Variants in LYRM4 observed in about 807,000 individuals in gnomAD.
LYRM4 encodes LYR motif-containing protein 4.
LYRM4 carries 9 observed loss-of-function variants against 11.7 expected under a neutral mutation model. The observed-to-expected ratio is 0.77, with a 90% CI of 0.46 to 1.34. The LOEUF (loss-of-function observed/expected upper bound fraction) is 1.34, where lower values mean the gene tolerates loss of function less well. Among genes scored for constraint, LYRM4 ranks in the 40% most tolerant of loss-of-function variants. The pLI, the probability that LYRM4 is intolerant of heterozygous loss-of-function variation, is 0.00. For synonymous variants in LYRM4, 42 were observed against 40.4 expected, an observed-to-expected ratio of 1.04 and a Z score of -0.15; for missense variants, 133 against 112.5, an observed-to-expected ratio of 1.18 and a Z score of -0.82.
intron 1 of LYRM4, among the ~76,000 whole-genome samples, chr6:5,255,727 T>C (rs1184123395): frequency 6.6e-6 from 1 of 152,074 alleles, no homozygotes; most frequent in Non-Finnish European, 1.5e-5. Context: ...TTCTCAATCT[T>C]GGCATGACCA....
chr6:5,186,971 G>T, intron 2 of LYRM4: 2 of 675,884 alleles, frequency 3.0e-6, no homozygotes, highest in Non-Finnish European at 3.6e-6. Flanking sequence ...GCGACAGAGT[G>T]AGAGTCCATC....
chr6:5,127,370 C>G (rs1335979523), intron 2 of LYRM4, among the ~76,000 whole-genome samples: 1 of 152,182 alleles, frequency 6.6e-6, no homozygotes, highest in African/African-American at 2.4e-5. Flanking sequence ...CAGGCATAAG[C>G]CACCGTGCCC....
At chr6:5,066,878 G>A in the LYRM4 span, 1 of 1,010,986 alleles carries the variant, frequency 9.9e-7, no homozygotes, top group Non-Finnish European at 1.5e-6. Context: ...TCGCCGGCAA[G>A]TGCTTTCGCA....
chr6:5,142,432 A>G (rs1269617671), intron 2 of LYRM4, among the ~76,000 whole-genome samples: 2 of 152,202 alleles, frequency 1.3e-5, no homozygotes, highest in Non-Finnish European at 2.9e-5. Context: ...CTGAGGTTCA[A>G]TCACTGTGGA....
chr6:5,143,062 A>T (rs954873595), intron 2 of LYRM4, among the ~76,000 whole-genome samples: 9 of 152,212 alleles, frequency 5.9e-5, no homozygotes, highest in Admixed American at 2.6e-4. Context: ...TTGGGATGCC[A>T]CATGTATTGG....
chr6:5,138,573 CTGT>C (rs960828420), intron 2 of LYRM4: 2 of 218,038 alleles, frequency 9.2e-6, no homozygotes, highest in Non-Finnish European at 1.4e-5. Context: ...AGAATAATGA[CTGT>C]TTTTTTTATG....
intron 2 of LYRM4, among the ~76,000 whole-genome samples, chr6:5,126,934 C>G (rs528714182): frequency 6.6e-6 from 1 of 152,246 alleles, no homozygotes; most frequent in Non-Finnish European, 1.5e-5. Context: ...TCTGAATATA[C>G]TAAAAGCCAG....
chr6:5,037,837 G>T, the LYRM4 span, among the ~76,000 whole-genome samples: 1 of 54,062 alleles, frequency 1.8e-5, no homozygotes, highest in African/African-American at 5.0e-5. Flanking sequence ...CCCCCCTCCC[G>T]GACGGGGCGG....
intron 2 of LYRM4, among the ~76,000 whole-genome samples, chr6:5,139,721 G>T (rs1345845732): frequency 6.6e-6 from 1 of 152,094 alleles, no homozygotes; most frequent in Non-Finnish European, 1.5e-5. Flanking sequence ...CTGAACTGTC[G>T]CCAATCTGGC....
At position 5,109,635 on chromosome 6, in the gene LYRM4, A is replaced by C. The variant is rs1762786915; in HGVS notation, c.208-144T>G. On this transcript the variant is annotated intron_variant, in intron 2 of 2. Transcript: ENST00000330636. ...TTCCGGCAACTGCACTGCGGGGCAA[A>C]GCCGGCCACTAGAGCACCATCCAAC... 8 of 743,734 alleles carry C rather than the reference A, an allele frequency of 1.1e-5. No individual in the cohort carries two copies. The East Asian group carries it at 2.2e-4, about 20-fold the overall frequency. 46.1% of individuals were successfully genotyped at this position (743,734 alleles called of 1,614,324 possible).
chr6:5,049,762 C>A, the LYRM4 span, among the ~76,000 whole-genome samples: 1 of 151,956 alleles, frequency 6.6e-6, no homozygotes, highest in African/African-American at 2.4e-5. Flanking sequence ...CTCCACCTCC[C>A]GGGTTCAAAC....
chr6:5,245,101 AAAAAAAAAAAAAATAT>A (rs1764085588), intron 1 of LYRM4, among the ~76,000 whole-genome samples: 1 of 55,104 alleles, frequency 1.8e-5, no homozygotes, highest in African/African-American at 6.5e-5. Context: ...AAAAAAAAAA[AAAAAAAAAAAAAATAT>A]ATATATATAT....
chr6:5,220,416 T>C (rs1196150567), intron 1 of LYRM4, among the ~76,000 whole-genome samples: 1 of 152,202 alleles, frequency 6.6e-6, no homozygotes, highest in East Asian at 1.9e-4. Context: ...ACCTATCCTA[T>C]AAACACATCT....
intron 2 of LYRM4, among the ~76,000 whole-genome samples, chr6:5,195,007 CTG>C (rs1760969772): frequency 6.6e-6 from 1 of 152,210 alleles, no homozygotes; most frequent in Non-Finnish European, 1.5e-5. Flanking sequence ...TAGCAAGAAA[CTG>C]TTACACATAA....
the LYRM4 span, chr6:5,033,214 C>T: frequency 0.015 from 2,139 of 145,992 alleles, 61 homozygotes; most frequent in African/African-American, 0.049. Flanking sequence ...CTTCTCTCCC[C>T]GTTTTCCTTG....
chr6:5,245,030 T>C (rs534504390), intron 1 of LYRM4, among the ~76,000 whole-genome samples: 3 of 137,174 alleles, frequency 2.2e-5, no homozygotes, highest in Non-Finnish European at 4.6e-5. Flanking sequence ...CTACAACACA[T>C]ATGTGACACT....
chr6:5,074,483 G>C, the LYRM4 span, among the ~76,000 whole-genome samples: 1 of 148,598 alleles, frequency 6.7e-6, no homozygotes, highest in East Asian at 2.0e-4. Flanking sequence ...AGAGGTTCAA[G>C]GCTTCAGTGG....
intron 2 of LYRM4, among the ~76,000 whole-genome samples, chr6:5,110,858 C>G (rs778810745): frequency 1.5e-4 from 23 of 152,118 alleles, no homozygotes; most frequent in Admixed American, 5.9e-4. Context: ...TGGGGTGCTG[C>G]GTTTCTCGCA....
intron 2 of LYRM4, among the ~76,000 whole-genome samples, chr6:5,152,138 G>C (rs560328081): frequency 6.6e-6 from 1 of 152,308 alleles, no homozygotes; most frequent in Non-Finnish European, 1.5e-5. Context: ...AAGGACCTTA[G>C]AGAAAAATCA....
Sources: gnomAD v4.1 joint callset for allele counts (sites outside exome capture counted in the v4.1 genomes callset) on GRCh38, gnomAD v4.1.1 for gene constraint, MANE v1.5 for transcripts, NCBI Gene and HGNC (gene_info 2026-07-23, HGNC 2026-07-21) for gene names.